EDA: variants seen among roughly 807,000 people sequenced by gnomAD.
The protein encoded by EDA is ectodysplasin-A.
A neutral mutation model predicts 23.6 loss-of-function variants in EDA; 2 were observed. The ratio of observed to expected loss-of-function variants is 0.08; its 90% CI spans 0.03 to 0.27. The LOEUF (loss-of-function observed/expected upper bound fraction) is 0.27, where lower values mean the gene tolerates loss of function less well. Among genes scored for constraint, EDA ranks in the 10% least tolerant of loss-of-function variants. The pLI is 1.00. For missense variants in EDA, 229 were observed against 324.2 expected (o/e 0.71, Z 2.26); for synonymous variants, 131 against 132.0 (o/e 0.99, Z 0.05).
chrX:69,888,978 T>TAGATATATAGATATATATATATA (rs1556026049), intron 1 of EDA, among the ~76,000 whole-genome samples: 1 of 16,030 alleles, frequency 6.2e-5, no homozygotes, highest in Non-Finnish European at 1.0e-4. Flanking sequence ...TGTGGGGTAG[T>TAGATATATAGATATATATATATA]TATATATATA....
intron 1 of EDA, among the ~76,000 whole-genome samples, chrX:69,948,106 G>A (rs1017022731): frequency 3.6e-5 from 4 of 112,021 alleles, no homozygotes; most frequent in Non-Finnish European, 7.5e-5. Flanking sequence ...GATATATAAG[G>A]CATTATTTGA....
chrX:69,888,978 T>TTTTATATATATATA (rs2017876013), intron 1 of EDA, among the ~76,000 whole-genome samples: 1 of 16,030 alleles, frequency 6.2e-5, no homozygotes, highest in African/African-American at 2.3e-4. Context: ...TGTGGGGTAG[T>TTTTATATATATATA]TATATATATA....
intron 1 of EDA, among the ~76,000 whole-genome samples, chrX:69,630,432 A>T (rs1210124776): frequency 8.9e-6 from 1 of 111,738 alleles, no homozygotes; most frequent in Admixed American, 9.5e-5. Context: ...AGAGTGCCTC[A>T]TGCTTATTTT....
intron 1 of EDA, among the ~76,000 whole-genome samples, chrX:69,872,510 C>G (rs2017580951): frequency 9.0e-6 from 1 of 111,543 alleles, no homozygotes; most frequent in Non-Finnish European, 1.9e-5. Context: ...GGAGACTCGC[C>G]TAACACATAA....
chrX:69,933,578 G>A (rs1214215145), intron 1 of EDA, among the ~76,000 whole-genome samples: 1 of 110,880 alleles, frequency 9.0e-6, no homozygotes, highest in Non-Finnish European at 1.9e-5. Context: ...TCAGGAGGCT[G>A]AGGCAGGAGA....
chrX:69,735,617 A>G (rs1393063457), intron 1 of EDA, among the ~76,000 whole-genome samples: 4 of 111,355 alleles, frequency 3.6e-5, no homozygotes, highest in Non-Finnish European at 5.6e-5. Flanking sequence ...TGAGCACAAG[A>G]CTTATGTGGA....
chrX:69,654,445 G>GGGTA (rs1933224136), intron 1 of EDA, among the ~76,000 whole-genome samples: 1 of 110,733 alleles, frequency 9.0e-6, no homozygotes, highest in Non-Finnish European at 1.9e-5. Flanking sequence ...TCCCATTACT[G>GGGTA]GGTATATACC....
chrX:69,851,431 A>C (rs2017130813), intron 1 of EDA, among the ~76,000 whole-genome samples: 1 of 112,588 alleles, frequency 8.9e-6, no homozygotes, highest in Non-Finnish European at 1.9e-5. Context: ...ATGAAATAAA[A>C]GCCAATTTAA....
chrX:70,009,426 C>G (rs1249112808), intron 2 of EDA, among the ~76,000 whole-genome samples: 1 of 111,997 alleles, frequency 8.9e-6, no homozygotes, highest in Non-Finnish European at 1.9e-5. Context: ...CCTCTCAGCA[C>G]TGCTTTTGCT....
chrX:69,682,950 C>G (rs1934425219), intron 1 of EDA, among the ~76,000 whole-genome samples: 1 of 111,478 alleles, frequency 9.0e-6, no homozygotes, highest in Non-Finnish European at 1.9e-5. Context: ...TTTGGAATCA[C>G]ATAATGGTTA....
chrX:69,863,529 GTGTATATATATATATACATATATGTA>G (rs1193199022), intron 1 of EDA, among the ~76,000 whole-genome samples: 2 of 31,496 alleles, frequency 6.4e-5, no homozygotes, highest in Non-Finnish European at 2.1e-4. Context: ...ATATATGTGT[GTGTATATATATATATACATATATGTA>G]TATATATGTG....
chrX:69,788,865 G>T (rs1483157632), intron 1 of EDA, among the ~76,000 whole-genome samples: 3 of 113,073 alleles, frequency 2.7e-5, no homozygotes, highest in African/African-American at 9.6e-5. Context: ...GCAAGCCTGG[G>T]CAATGGCGGG....
chrX:69,756,291 C>T (rs1392657044), intron 1 of EDA, among the ~76,000 whole-genome samples: 2 of 112,341 alleles, frequency 1.8e-5, no homozygotes, highest in Non-Finnish European at 3.8e-5. Context: ...GATGTTGCCT[C>T]CTCCTTCCTG....
chrX:69,709,537 C>A (rs1356051031), intron 1 of EDA, among the ~76,000 whole-genome samples: 1 of 111,980 alleles, frequency 8.9e-6, no homozygotes, highest in Non-Finnish European at 1.9e-5. Flanking sequence ...TTATAGCACT[C>A]ACCTGATAAC....
At chrX:69,664,280 T>G (rs1482663429) in intron 1 of EDA, among the ~76,000 whole-genome samples, 6 of 111,464 alleles carry the variant, frequency 5.4e-5, no homozygotes, top group African/African-American at 9.8e-5. Flanking sequence ...GTAGGAGGTA[T>G]TTGAATCAAG....
intron 1 of EDA, among the ~76,000 whole-genome samples, chrX:69,843,401 G>A (rs951723238): frequency 6.3e-5 from 7 of 111,430 alleles, no homozygotes; most frequent in East Asian, 2.8e-4. Flanking sequence ...TTCCTAATAC[G>A]GTCACATCAG....
At chrX:69,752,169 A>G (rs1420416454) in intron 1 of EDA, among the ~76,000 whole-genome samples, 1 of 111,185 alleles carries the variant, frequency 9.0e-6, no homozygotes, top group Middle Eastern at 4.2e-3. Flanking sequence ...TTCAAAGGGA[A>G]TGCTTCCAGT....
At chrX:69,840,674 A>T (rs2016875764) in intron 1 of EDA, among the ~76,000 whole-genome samples, 1 of 112,420 alleles carries the variant, frequency 8.9e-6, no homozygotes, top group South Asian at 3.6e-4. Context: ...CTATAACAAA[A>T]TTCCATGTAC....
At chrX:69,933,467 G>A (rs1454123202) in intron 1 of EDA, among the ~76,000 whole-genome samples, 1 of 111,618 alleles carries the variant, frequency 9.0e-6, no homozygotes, top group Non-Finnish European at 1.9e-5. Context: ...AGATCATGAG[G>A]TCAGGAGTTC....
Sources: allele counts gnomAD v4.1 joint callset (sites outside exome capture counted in the v4.1 genomes callset), GRCh38; gene constraint gnomAD v4.1.1; transcripts MANE v1.5; gene names NCBI Gene and HGNC (gene_info 2026-07-23, HGNC 2026-07-21).